The following CCDC6 variants were observed in gnomAD, a reference collection of about 807,000 sequenced individuals.
The protein encoded by CCDC6 is coiled-coil domain-containing protein 6.
CCDC6 carries 20 observed loss-of-function variants against 56.6 expected under a neutral mutation model. The ratio of observed to expected loss-of-function variants is 0.35; its 90% CI spans 0.25 to 0.51. CCDC6 has a LOEUF of 0.51. CCDC6 is among the 20% of genes least tolerant of loss of function. CCDC6 has a pLI of 0.95. For missense variants in CCDC6, 367 were observed against 601.1 expected, an observed-to-expected ratio of 0.61 and a Z score of 4.07; for synonymous variants, 241 against 234.4, an observed-to-expected ratio of 1.03 and a Z score of -0.26.
intron 1 of CCDC6, among the ~76,000 whole-genome samples, chr10:59,897,150 C>T (rs1369413010): frequency 6.6e-6 from 1 of 152,120 alleles, no homozygotes; most frequent in African/African-American, 2.4e-5. Context: ...TTTGACTCAA[C>T]GGATGTCTTT....
chr10:59,841,466 T>C (rs1428671966), intron 2 of CCDC6, among the ~76,000 whole-genome samples: 1 of 152,206 alleles, frequency 6.6e-6, no homozygotes, highest in Non-Finnish European at 1.5e-5. Flanking sequence ...ATACAATTTT[T>C]CATATGAGAA....
At chr10:59,813,473 T>C (rs1225318006) in intron 4 of CCDC6, among the ~76,000 whole-genome samples, 1 of 152,240 alleles carries the variant, frequency 6.6e-6, no homozygotes, top group Non-Finnish European at 1.5e-5. Context: ...ACTTCCATAC[T>C]GTTCAACCCA....
intron 2 of CCDC6, among the ~76,000 whole-genome samples, chr10:59,850,400 T>G (rs2071027701): frequency 6.6e-6 from 1 of 152,174 alleles, no homozygotes; most frequent in Non-Finnish European, 1.5e-5. Context: ...CTGGGATGCA[T>G]GACAGATTGT....
chr10:59,813,993 C>T (rs2070692667), intron 4 of CCDC6, among the ~76,000 whole-genome samples: 1 of 152,106 alleles, frequency 6.6e-6, no homozygotes, highest in Non-Finnish European at 1.5e-5. Context: ...TTTTTACACC[C>T]GTACACACAT....
At position 59,839,875 on chromosome 10, in the gene CCDC6, T is replaced by C. The variant is rs528077038; in HGVS notation, c.454-7222A>G. ...AGAGTCTCACTCTGTCGCCAGGCTG[T>C]AGTATAGTGGCGTGATCTTGGCTCA... On this transcript the variant is annotated intron_variant, in intron 2 of 8. Coordinates refer to ENST00000263102, the MANE Select transcript of CCDC6 (RefSeq NM_005436.5). 2.0e-5 allele frequency among the ~76,000 whole-genome samples: 3 copies of C among 152,238 alleles called. No homozygotes were observed. In the South Asian group the frequency reaches 6.2e-4, roughly 32 times the overall value.
chr10:59,888,405 C>A (rs890463602), intron 1 of CCDC6, among the ~76,000 whole-genome samples: 1 of 152,224 alleles, frequency 6.6e-6, no homozygotes, highest in Admixed American at 6.5e-5. Context: ...TCTGCTGCTT[C>A]GTCATGGGGG....
At chr10:59,816,446 G>C (rs1392480225) in intron 3 of CCDC6, among the ~76,000 whole-genome samples, 3 of 152,142 alleles carry the variant, frequency 2.0e-5, no homozygotes, top group Non-Finnish European at 4.4e-5. Context: ...GCATTGGGGG[G>C]AGACTCCTGT....
intron 2 of CCDC6, among the ~76,000 whole-genome samples, chr10:59,843,132 C>T (rs547361194): frequency 1.3e-4 from 20 of 152,126 alleles, no homozygotes; most frequent in African/African-American, 3.9e-4. Context: ...GTGATCTGCC[C>T]GCCTCAGCCT....
Position 59,789,806 on chromosome 10 carries a change from G to C in CCDC6, c.*3111C>G, listed in dbSNP as rs2070452285. On this transcript the variant is annotated 3_prime_UTR_variant, in exon 9 of 9. Transcript: ENST00000263102. ...AAAAGCAAGGCTTTGTGCAGGAAAA[G>C]TTCATGTCTACCTAACAAAGGGTGA... The C allele has an allele frequency of 4.5e-6, 1 of 219,998 alleles. No homozygotes were observed. Among genetic ancestry groups the C allele is most frequent in the East Asian group, 6.8e-5 (1 of 14,776 alleles). 13.6% of individuals were successfully genotyped at this position (219,998 alleles called of 1,614,324 possible). A position where few individuals can be genotyped will look rare whatever the true frequency, so the allele number is the denominator to read the frequency against.
At chr10:59,826,334 T>C (rs2070787518) in intron 3 of CCDC6, among the ~76,000 whole-genome samples, 2 of 152,208 alleles carry the variant, frequency 1.3e-5, no homozygotes, top group African/African-American at 4.8e-5. Flanking sequence ...ACCTATTTTC[T>C]CTCCTCATTT....
intron 7 of CCDC6, among the ~76,000 whole-genome samples, chr10:59,795,509 C>T (rs1589031918): frequency 6.6e-6 from 1 of 151,358 alleles, no homozygotes; most frequent in Non-Finnish European, 1.5e-5. Context: ...TTTTAGGGTA[C>T]ATGTGCACAA....
intron 1 of CCDC6, among the ~76,000 whole-genome samples, chr10:59,894,442 C>T (rs987230713): frequency 3.3e-5 from 5 of 152,188 alleles, no homozygotes; most frequent in African/African-American, 1.2e-4. Flanking sequence ...CATTCCAGAG[C>T]CTGCGCTCTC....
At chr10:59,865,852 C>CAAAAAAAAAAA (rs777021321) in intron 1 of CCDC6, among the ~76,000 whole-genome samples, 39 of 57,022 alleles carry the variant, frequency 6.8e-4, no homozygotes, top group African/African-American at 8.1e-4. Context: ...TCCATCTCCA[C>CAAAAAAAAAAA]AAAAAAAAAA....
Position 59,885,917 on chromosome 10 carries a change from C to CAT in CCDC6, c.303+20204_303+20205insAT, listed in dbSNP as rs1564757570. Among the ~76,000 whole-genome samples the CAT allele has an allele frequency of 7.1e-5, 4 of 56,376 alleles. 1 individual carries two copies. The highest frequency in any genetic ancestry group is 2.1e-4 in the African/African-American group (3 of 14,438). The allele number at this position is 56,376 out of a possible 152,430, so 37.0% of individuals were successfully genotyped here. A position where few individuals can be genotyped will look rare whatever the true frequency, so the allele number is the denominator to read the frequency against. ...GTCTGATGTCTATTTCCAACCCCGC[C>CAT]CCCCGCCCCCCCAACTAGAATATCA... On this transcript the variant is annotated intron_variant, in intron 1 of 8. Transcript: ENST00000263102.
chr10:59,820,659 G>A (rs994250562), intron 3 of CCDC6, among the ~76,000 whole-genome samples: 4 of 151,990 alleles, frequency 2.6e-5, no homozygotes, highest in Non-Finnish European at 4.4e-5. Context: ...AAGGCAGGCG[G>A]ATCTCTTGAG....
At chr10:59,854,251 A>G (rs936575999) in intron 1 of CCDC6, among the ~76,000 whole-genome samples, 10 of 152,092 alleles carry the variant, frequency 6.6e-5, no homozygotes, top group African/African-American at 2.4e-4. Context: ...AGCTTCCCCA[A>G]CATCCACACA....
intron 1 of CCDC6, among the ~76,000 whole-genome samples, chr10:59,862,821 C>T (rs1404544577): frequency 1.3e-5 from 2 of 151,924 alleles, no homozygotes; most frequent in African/African-American, 4.8e-5. Flanking sequence ...TACATTGGTA[C>T]AAATATTTTG....
intron 1 of CCDC6, among the ~76,000 whole-genome samples, chr10:59,902,736 GA>G (rs926457647): frequency 2.6e-5 from 4 of 152,184 alleles, no homozygotes; most frequent in Non-Finnish European, 5.9e-5. Context: ...TGGTGGGAAT[GA>G]AAAACGATGC....
chr10:59,882,591 G>GGGGAGAAGGAAAGGAAAGCCGGC (rs1564756224), intron 1 of CCDC6, among the ~76,000 whole-genome samples: 1 of 44,334 alleles, frequency 2.3e-5, no homozygotes, highest in African/African-American at 5.7e-5. Flanking sequence ...GGAAAGCCGC[G>GGGGAGAAGGAAAGGAAAGCCGGC]GGGAGAAGGA....
Sources: gnomAD v4.1 joint callset for allele counts (sites outside exome capture counted in the v4.1 genomes callset) on GRCh38, gnomAD v4.1.1 for gene constraint, MANE v1.5 for transcripts, NCBI Gene and HGNC (gene_info 2026-07-23, HGNC 2026-07-21) for gene names.